The following ATP8A2 variants were observed in gnomAD, a reference collection of about 807,000 sequenced individuals.
The protein encoded by ATP8A2 is phospholipid-transporting ATPase IB.
Under a neutral mutation model 165.6 loss-of-function variants are expected in ATP8A2, and 100 were observed. The observed-to-expected ratio is 0.60, with a 90% CI of 0.51 to 0.71. ATP8A2 has a LOEUF of 0.71. Ranked by LOEUF, ATP8A2 falls within the 30% of genes least tolerant of loss-of-function variation. The probability of loss-of-function intolerance (pLI) is 0.00; values close to 1 mark genes in which losing one functional copy is unlikely to be tolerated. For missense variants in ATP8A2, 1,227 were observed against 1,479.5 expected (o/e 0.83, Z 2.80); for synonymous variants, 543 against 548.8 (o/e 0.99, Z 0.15).
intron 24 of ATP8A2, among the ~76,000 whole-genome samples, chr13:25,674,926 G>A (rs2042342628): frequency 6.6e-6 from 1 of 152,190 alleles, no homozygotes; most frequent in African/African-American, 2.4e-5. Flanking sequence ...TGCTGGTCGT[G>A]CTACTGAGTA....
rs149359056 is a variant in ATP8A2 at position 26,004,116 on chromosome 13, A to G, written c.3378-8415A>G. Among the ~76,000 whole-genome samples the G allele has an allele frequency of 6.2e-3, 948 of 152,146 alleles. 5 individuals are homozygous for G. Among genetic ancestry groups the G allele is most frequent in the Middle Eastern group, 0.027 (8 of 292 alleles). ...TCTGTAGATCACTTTGTGTAGTATG[A>G]TTATTTTAACAATAGTGTTGTTTTA... On this transcript the variant is annotated intron_variant, in intron 35 of 36. Transcript: ENST00000381655.
At chr13:25,426,175 G>T (rs878871844) in intron 1 of ATP8A2, among the ~76,000 whole-genome samples, 4 of 152,144 alleles carry the variant, frequency 2.6e-5, no homozygotes, top group Admixed American at 1.3e-4. Flanking sequence ...GATAAAAGAG[G>T]TTTAACTGGC....
At chr13:25,651,478 A>T (rs2041811162) in intron 24 of ATP8A2, among the ~76,000 whole-genome samples, 2 of 152,084 alleles carry the variant, frequency 1.3e-5, no homozygotes, top group African/African-American at 4.8e-5. Flanking sequence ...CATTTCTTAG[A>T]AGTCAGGCTG....
intron 2 of ATP8A2, among the ~76,000 whole-genome samples, chr13:25,486,996 A>AAATAATATATTTGTT (rs2036374048): frequency 6.6e-6 from 1 of 152,172 alleles, no homozygotes; most frequent in African/African-American, 2.4e-5. Flanking sequence ...ATAATATAAC[A>AAATAATATATTTGTT]AATAGAGCTG....
At chr13:25,690,692 A>G (rs2042704776) in intron 24 of ATP8A2, among the ~76,000 whole-genome samples, 1 of 152,200 alleles carries the variant, frequency 6.6e-6, no homozygotes, top group Non-Finnish European at 1.5e-5. Flanking sequence ...GTGAGCATGA[A>G]GAATAGTGGC....
chr13:25,405,449 C>G lies in ATP8A2; in HGVS notation c.76+33161C>G, dbSNP rs2033771050. ...CTTCATTCATTTTTTTCTGGGAGTC[C>G]CCCAGGTCTTCTTTCTGAGTATGGC... On this transcript the variant is annotated intron_variant, in intron 1 of 36. Transcript: ENST00000381655. Among the ~76,000 whole-genome samples the G allele has an allele frequency of 2.0e-5, 3 of 152,240 alleles. No homozygotes were observed. In the South Asian group the frequency reaches 6.2e-4, roughly 32 times the overall value.
chr13:25,869,671 T>C (rs997920707), intron 33 of ATP8A2, among the ~76,000 whole-genome samples: 23 of 152,158 alleles, frequency 1.5e-4, no homozygotes, highest in Non-Finnish European at 1.6e-4. Context: ...TATTGAACAA[T>C]TGAGATGAGA....
rs142246807 is a variant in ATP8A2 at position 26,017,379 on chromosome 13, G to A, written c.3470-2509G>A. Among the ~76,000 whole-genome samples, 622 of 152,318 alleles carry A rather than the reference G, an allele frequency of 4.1e-3. 5 individuals carry two copies. Among genetic ancestry groups the A allele is most frequent in the African/African-American group, 0.014 (569 of 41,564 alleles). On this transcript the variant is annotated intron_variant, in intron 36 of 36. Transcript: ENST00000381655. ...ACCACAGTACATAGCCTTGTTACTG[G>A]AGCAGACGAAGCAGTGTTATTTGCT...
At chr13:25,608,622 G>C (rs943545834) in intron 24 of ATP8A2, among the ~76,000 whole-genome samples, 2 of 152,166 alleles carry the variant, frequency 1.3e-5, no homozygotes, top group East Asian at 3.9e-4. Context: ...GCCATATGCT[G>C]TAGGTGTCAC....
intron 35 of ATP8A2, among the ~76,000 whole-genome samples, chr13:25,988,376 C>T (rs1236186018): frequency 1.3e-5 from 2 of 152,274 alleles, no homozygotes; most frequent in Non-Finnish European, 2.9e-5. Flanking sequence ...GCATCCAGCT[C>T]AGCCTCCAAC....
intron 2 of ATP8A2, among the ~76,000 whole-genome samples, chr13:25,472,741 G>C (rs1459784044): frequency 6.6e-6 from 1 of 152,194 alleles, no homozygotes; most frequent in Non-Finnish European, 1.5e-5. Flanking sequence ...ACATGGGATA[G>C]ATGAGGCTCA....
intron 24 of ATP8A2, among the ~76,000 whole-genome samples, chr13:25,660,041 A>T (rs2042016019): frequency 6.6e-6 from 1 of 152,198 alleles, no homozygotes; most frequent in African/African-American, 2.4e-5. Context: ...GTAAGAAAGG[A>T]ACAAAAAATC....
rs149776689 is a variant in ATP8A2 at position 25,445,775 on chromosome 13, C to T, written c.77-23202C>T. Among the ~76,000 whole-genome samples, 26 of 152,068 alleles carry T rather than the reference C, an allele frequency of 1.7e-4. No individual in the cohort carries two copies. In the East Asian group the frequency reaches 4.1e-3, roughly 24 times the overall value. On this transcript the variant is annotated intron_variant, in intron 1 of 36. Coordinates refer to ENST00000381655, the MANE Select transcript of ATP8A2 (RefSeq NM_016529.6). ...GGCAGAATAGGAGTAAATGCATGCA[C>T]GGGCTTGGTGGATTAGCGAAGACCA... is the stretch of plus-strand genomic sequence containing the variant.
chr13:25,500,848 AT>A (rs1410011110), intron 2 of ATP8A2, among the ~76,000 whole-genome samples: 1 of 152,198 alleles, frequency 6.6e-6, no homozygotes, highest in Non-Finnish European at 1.5e-5. Flanking sequence ...AAGTGCTGGG[AT>A]TACAGGCGTG....
chr13:25,730,891 C>A (rs1484173763), intron 25 of ATP8A2, among the ~76,000 whole-genome samples: 1 of 151,870 alleles, frequency 6.6e-6, no homozygotes, highest in African/African-American at 2.4e-5. Flanking sequence ...GCCTGGGAAA[C>A]AAAGTGAGAC....
chr13:25,575,212 C>A (rs1326629761), intron 19 of ATP8A2, among the ~76,000 whole-genome samples: 1 of 152,150 alleles, frequency 6.6e-6, no homozygotes, highest in Non-Finnish European at 1.5e-5. Context: ...CCCATGAGGT[C>A]ATTCCTCTTG....
At chr13:25,468,568 G>T (rs531022101) in intron 1 of ATP8A2, among the ~76,000 whole-genome samples, 1 of 152,308 alleles carries the variant, frequency 6.6e-6, no homozygotes, top group Admixed American at 6.5e-5. Context: ...GGACTAGAGG[G>T]TACGCTCGGC....
intron 1 of ATP8A2, among the ~76,000 whole-genome samples, chr13:25,420,291 G>A (rs1391118985): frequency 6.6e-6 from 1 of 152,202 alleles, no homozygotes; most frequent in African/African-American, 2.4e-5. Context: ...CCAGAAGAAG[G>A]TTAATACAGA....
intron 2 of ATP8A2, among the ~76,000 whole-genome samples, chr13:25,501,764 G>C (rs1023036653): frequency 2.0e-5 from 3 of 152,208 alleles, no homozygotes; most frequent in African/African-American, 7.2e-5. Flanking sequence ...TGAAGGGCGA[G>C]GTAATTTTCC....
Sources: allele counts gnomAD v4.1 joint callset (sites outside exome capture counted in the v4.1 genomes callset), GRCh38; gene constraint gnomAD v4.1.1; transcripts MANE v1.5; gene names NCBI Gene and HGNC (gene_info 2026-07-23, HGNC 2026-07-21).